PHOSPHO1: variants seen among roughly 807,000 people sequenced by gnomAD.
PHOSPHO1 encodes phosphoethanolamine/phosphocholine phosphatase.
In PHOSPHO1, 6 loss-of-function variants were observed where a neutral mutation model predicts 17.7. The observed-to-expected ratio is 0.34, with a 90% CI of 0.19 to 0.67. PHOSPHO1 has a LOEUF of 0.67. Among genes scored for constraint, PHOSPHO1 ranks in the 30% least tolerant of loss-of-function variants. The probability of loss-of-function intolerance (pLI) is 0.69; values close to 1 mark genes in which losing one functional copy is unlikely to be tolerated. For synonymous variants in PHOSPHO1, 159 were observed against 174.6 expected, an observed-to-expected ratio of 0.91 and a Z score of 0.71; for missense variants, 330 against 392.1, an observed-to-expected ratio of 0.84 and a Z score of 1.34.
intron 1 of PHOSPHO1, among the ~76,000 whole-genome samples, chr17:49,229,758 G>A (rs2043394584): frequency 6.6e-6 from 1 of 152,138 alleles, no homozygotes; most frequent in Non-Finnish European, 1.5e-5. Context: ...CCCTTTCCCA[G>A]ACAGTGCTCC....
Position 49,224,644 on chromosome 17 carries a change from C to T in PHOSPHO1, c.406G>A (p.Ala136Thr). The change falls in exon 3 of 3, where the codon GCC becomes ACC. Residue 136 changes from alanine to threonine, a missense_variant. Physicochemically the swap from Ala to Thr is moderately conservative, Grantham distance 58 (BLOSUM62 0). Transcript: ENST00000310544. ...CGGCGGAACAGGCTGTGGTGGCCGG[C>T]GGCGCGCAGCGAGCTCTCCACGCCA... ...TFGVESSLRA[A>T]GHHSLFRRIL... 1 of 1,582,406 alleles carries T rather than the reference C, an allele frequency of 6.3e-7. No individual in the cohort carries two copies.
intron 1 of PHOSPHO1, among the ~76,000 whole-genome samples, chr17:49,227,369 T>A (rs981694065): frequency 3.3e-5 from 5 of 151,320 alleles, no homozygotes; most frequent in African/African-American, 1.2e-4. Flanking sequence ...CACAGAAGAG[T>A]CAGGTTGAAA....
At chr17:49,225,839 G>T (rs2043349563) in intron 2 of PHOSPHO1, 1 of 1,203,704 alleles carries the variant, frequency 8.3e-7, no homozygotes, top group African/African-American at 1.6e-5. Context: ...AGAGGAGTGG[G>T]AGGGGCCAGG....
At position 49,224,568 on chromosome 17, in the gene PHOSPHO1, C is replaced by A. The variant is rs779632313; in HGVS notation, c.482G>T (p.Arg161Leu). 14 of 1,564,498 alleles carry A rather than the reference C, an allele frequency of 8.9e-6. No homozygotes were observed. The highest frequency in any genetic ancestry group is 1.2e-5 in the Non-Finnish European group (14 of 1,160,596). ...CGCGCAGCTGTGTGTGTGGAACGGC[C>A]GCAGAGCCAGCAGTCCCCGCGCATC... ...GPDARGLLAL[R>L]PFHTHSCARC... The change falls in exon 3 of 3, where the codon CGG becomes CTG. Residue 161 changes from arginine (R) to leucine (L), a missense_variant. Coordinates refer to ENST00000310544, the MANE Select transcript of PHOSPHO1 (RefSeq NM_178500.4).
At chr17:49,227,891 CAA>C (rs1224987817) in intron 1 of PHOSPHO1, among the ~76,000 whole-genome samples, 1 of 151,826 alleles carries the variant, frequency 6.6e-6, no homozygotes, top group Non-Finnish European at 1.5e-5. Flanking sequence ...AAGCAGTGGG[CAA>C]AGAGAGGGTG....
chr17:49,225,182 A>G (rs1598251647), intron 2 of PHOSPHO1, 178 bp from the exon 3 acceptor site: 1 of 1,428,422 alleles, frequency 7.0e-7, no homozygotes, highest in Non-Finnish European at 9.1e-7. Context: ...CAATGCCACC[A>G]CCTCTATCCC....
chr17:49,225,945 G>A (rs777049847), intron 2 of PHOSPHO1, among the ~76,000 whole-genome samples: 41 of 152,076 alleles, frequency 2.7e-4, no homozygotes, highest in Admixed American at 2.0e-3. Context: ...CAGAGTAGGG[G>A]TAGGGATAAG....
At chr17:49,225,617 T>C in intron 2 of PHOSPHO1, 1 of 1,292,588 alleles carries the variant, frequency 7.7e-7, no homozygotes, top group African/African-American at 1.5e-5. Flanking sequence ...TCGGGGAGTT[T>C]TAGGGCCCTG....
Position 49,223,447 on chromosome 17 carries a change from G to T in PHOSPHO1, c.*799C>A. 1 of 144,624 alleles carries T rather than the reference G, an allele frequency of 6.9e-6. No homozygotes were observed. 9.0% of individuals were successfully genotyped at this position (144,624 alleles called of 1,614,324 possible). ...TTCGCTGGTTCTGCTTAAAAACATGGCTTTCTGTTCCATGGGGGGTGGGGG... is the reference window on the plus strand; with the variant it reads ...TTCGCTGGTTCTGCTTAAAAACATGTCTTTCTGTTCCATGGGGGGTGGGGG... On this transcript the variant is annotated 3_prime_UTR_variant, in exon 3 of 3. Transcript: ENST00000310544.
chr17:49,224,557 T>C lies in PHOSPHO1; in HGVS notation c.493A>G (p.Thr165Ala), dbSNP rs1240558281. Reference sequence around the variant, plus strand: ...GCGGGGCAGCGCGCGCAGCTGTGTGTGTGGAACGGCCGCAGAGCCAGCAGT... The same window carrying C: ...GCGGGGCAGCGCGCGCAGCTGTGTGCGTGGAACGGCCGCAGAGCCAGCAGT... ...RGLLALRPFHTHSCARCPANM... is the reference protein window; with the variant it reads ...RGLLALRPFHAHSCARCPANM... Residue 165 changes from threonine to alanine, a missense_variant, in exon 3 of 3, where the codon ACA becomes GCA. Transcript: ENST00000310544. 5 of 1,566,268 alleles carry C rather than the reference T, an allele frequency of 3.2e-6. No individual in the cohort carries two copies. Among genetic ancestry groups the C allele is most frequent in the Non-Finnish European group, 4.3e-6 (5 of 1,161,292 alleles).
intron 2 of PHOSPHO1, 69 bp from the exon 3 acceptor site, chr17:49,225,073 G>A (rs887880121): frequency 3.9e-5 from 57 of 1,445,746 alleles, no homozygotes; most frequent in Non-Finnish European, 5.0e-5. Context: ...CGCGGCAGGA[G>A]CCCGCCCGGG....
chr17:49,224,484 G>T lies in PHOSPHO1; in HGVS notation c.566C>A (p.Ala189Asp). 6.4e-7 allele frequency: 1 copy of T among 1,567,990 alleles called. No individual in the cohort carries two copies. ...KVLSDYLRERAHDGVHFERLF... is the reference protein window; with the variant it reads ...KVLSDYLRERDHDGVHFERLF... The stretch of plus-strand genomic sequence containing the variant: ...GCGCTCGAAGTGCACGCCGTCGTGG[G>T]CCCGCTCGCGCAGGTAGTCGCTGAG... The change falls in exon 3 of 3, where the codon GCC (alanine) becomes GAC (aspartate). Residue 189 changes from alanine (A) to aspartate (D), a missense_variant. Coordinates refer to ENST00000310544, the MANE Select transcript of PHOSPHO1 (RefSeq NM_178500.4).
chr17:49,228,036 C>T (rs891182469), intron 1 of PHOSPHO1, among the ~76,000 whole-genome samples: 3 of 152,112 alleles, frequency 2.0e-5, no homozygotes, highest in Non-Finnish European at 4.4e-5. Flanking sequence ...TCCAGATTCC[C>T]AGCTGATATC....
intron 1 of PHOSPHO1, chr17:49,229,008 C>T (rs1329525639): frequency 6.6e-6 from 1 of 151,102 alleles, no homozygotes; most frequent in Non-Finnish European, 1.5e-5. Flanking sequence ...CCTCATTTCT[C>T]ATCATAAAAT....
intron 2 of PHOSPHO1, among the ~76,000 whole-genome samples, chr17:49,226,200 G>A (rs930860858): frequency 4.6e-5 from 7 of 150,886 alleles, no homozygotes; most frequent in Non-Finnish European, 1.0e-4. Flanking sequence ...CTTTTCTCCC[G>A]CCCAGCTCCC....
intron 1 of PHOSPHO1, among the ~76,000 whole-genome samples, chr17:49,227,195 C>T (rs1338179702): frequency 6.6e-6 from 1 of 152,206 alleles, no homozygotes; most frequent in African/African-American, 2.4e-5. Flanking sequence ...GGGGCATAGA[C>T]TGCTTCATGA....
chr17:49,230,268 C>T (rs2043400098), intron 1 of PHOSPHO1, among the ~76,000 whole-genome samples, 200 bp downstream of exon 1: 1 of 152,044 alleles, frequency 6.6e-6, no homozygotes, highest in Non-Finnish European at 1.5e-5. Context: ...AAGGGGACAC[C>T]AATTCCTTGG....
In PHOSPHO1 at chr17:49,224,933, G is replaced by C. The variant is rs761936304; in HGVS notation, c.117C>G (p.Asp39Glu). 4 of 1,591,900 alleles carry C rather than the reference G, an allele frequency of 2.5e-6. No homozygotes were observed. The highest frequency in any genetic ancestry group is 3.4e-6 in the Non-Finnish European group (4 of 1,170,722). Residue 39 changes from aspartate (D) to glutamate (E), a missense_variant, in exon 3 of 3, where the codon GAC becomes GAG. By Grantham distance (45) the Asp-to-Glu change is conservative. Coordinates refer to ENST00000310544, the MANE Select transcript of PHOSPHO1 (RefSeq NM_178500.4). ...LTFDFDETIV[D>E]ENSDDSIVRA... ...GCACGATCGAATCGTCGCTGTTTTC[G>C]TCCACGATAGTCTCGTCGAAGTCGA...
In PHOSPHO1 at chr17:49,230,588, G is replaced by C. The variant is rs1362257042; in HGVS notation, c.-188C>G. 2 of 152,380 alleles carry C rather than the reference G, an allele frequency of 1.3e-5. No individual in the cohort carries two copies. Among genetic ancestry groups the C allele is most frequent in the African/African-American group, 4.8e-5 (2 of 41,412 alleles). 9.4% of individuals were successfully genotyped at this position (152,380 alleles called of 1,614,324 possible). A position where few individuals can be genotyped will look rare whatever the true frequency, so the allele number is the denominator to read the frequency against. On this transcript the variant is annotated 5_prime_UTR_variant, in exon 1 of 3. Coordinates refer to ENST00000310544, the MANE Select transcript of PHOSPHO1 (RefSeq NM_178500.4). ...CAAGGGGTGCTTACGGGAATTGGAG[G>C]GGACGCGGTGTCTTATCCACCCCCG...
Sources: allele counts gnomAD v4.1 joint callset (sites outside exome capture counted in the v4.1 genomes callset), GRCh38; gene constraint gnomAD v4.1.1; transcripts MANE v1.5; gene names NCBI Gene and HGNC (gene_info 2026-07-23, HGNC 2026-07-21).